Variants in MCF2L observed in about 807,000 individuals in gnomAD.
MCF2L encodes guanine nucleotide exchange factor DBS.
Under a neutral mutation model 153.4 loss-of-function variants are expected in MCF2L, and 97 were observed. That is an observed-to-expected ratio of 0.63 (90% CI 0.54 to 0.75). MCF2L has a LOEUF of 0.75. Ranked by LOEUF, MCF2L falls within the 30% of genes least tolerant of loss-of-function variation. The pLI is 0.00. For synonymous variants in MCF2L, 659 were observed against 632.2 expected (o/e 1.04, Z -0.64); for missense variants, 1,347 against 1,495.2 (o/e 0.90, Z 1.64).
rs1031251778 is a variant in MCF2L at position 113,045,489 on chromosome 13, G to T, written c.369+128G>T. 7.1e-6 allele frequency: 6 copies of T among 847,614 alleles called. No homozygotes were observed. The highest frequency in any genetic ancestry group is 2.7e-5 in the East Asian group (1 of 37,196). 52.5% of individuals were successfully genotyped at this position (847,614 alleles called of 1,614,324 possible). On this transcript the variant is annotated intron_variant, in intron 4 of 29. Coordinates refer to ENST00000535094, the MANE Select transcript of MCF2L (RefSeq NM_001112732.3). This position sits in a 1 kb window ranked among gnomAD's most constrained non-coding sequence, Gnocchi z 4.2. Reference sequence around the variant, plus strand: ...GAGTGGGACAGAGCCCAGTCCCGGCGGGTGGAGGCCGGCGCCAAGGCCCCC... The same window carrying T: ...GAGTGGGACAGAGCCCAGTCCCGGCTGGTGGAGGCCGGCGCCAAGGCCCCC...
At position 112,969,484 on chromosome 13, in the gene MCF2L, G is replaced by C. The variant is rs768935831; in HGVS notation, c.79+26G>C. On this transcript the variant is annotated intron_variant, in intron 1 of 29. Coordinates refer to ENST00000535094, the MANE Select transcript of MCF2L (RefSeq NM_001112732.3). The surrounding 1 kb of genome is among the most constrained non-coding windows in gnomAD (Gnocchi z 4.8). ...GTAGGAGGAGCTGCTGGCCGTCAGTGATCTGTGCTTAAGCTTGACATCATG... is the reference window on the plus strand; with the variant it reads ...GTAGGAGGAGCTGCTGGCCGTCAGTCATCTGTGCTTAAGCTTGACATCATG... The C allele has an allele frequency of 1.3e-6, 2 of 1,549,964 alleles. No homozygotes were observed. Among genetic ancestry groups the C allele is most frequent in the South Asian group, 2.4e-5 (2 of 84,042 alleles).
chr13:112,968,628 G>A (rs537733977), upstream of MCF2L: 100 of 1,528,142 alleles, frequency 6.5e-5, no homozygotes, highest in African/African-American at 9.6e-4. Flanking sequence ...CCTGGGCGCG[G>A]CGCGGGTGGC....
At position 112,907,486 on chromosome 13, in the gene MCF2L, C is replaced by T. The variant is rs1172733805; in HGVS notation, c.169+5115C>T. Among the ~76,000 whole-genome samples, 3 of 151,910 alleles carry T rather than the reference C, an allele frequency of 2.0e-5. No homozygotes were observed. Among genetic ancestry groups the T allele is most frequent in the Admixed American group, 6.6e-5 (1 of 15,222 alleles). ...CGGTGTTTCCAGCATGGGTCAGTCG[C>T]GGCTTGGTGGAGAATGGCTGAATCC... On this transcript the variant is annotated intron_variant, in intron 2 of 29. Coordinates refer to the MCF2L transcript ENST00000375608. The surrounding 1 kb of genome is among the most constrained non-coding windows in gnomAD (Gnocchi z 5.1).
intron 12 of MCF2L, 29 bp from the exon 13 acceptor site, chr13:113,077,023 A>T (rs1182429422): frequency 2.5e-6 from 4 of 1,591,284 alleles, no homozygotes; most frequent in Non-Finnish European, 3.4e-6. Context: ...CAACATGTGC[A>T]AGGCACCTTA....
At chr13:112,995,727 G>A (rs1410052256) in intron 1 of MCF2L, among the ~76,000 whole-genome samples, 7 of 152,282 alleles carry the variant, frequency 4.6e-5, no homozygotes, top group East Asian at 1.9e-4. Flanking sequence ...CCACAGGAAC[G>A]GGGGAATGAG....
intron 2 of MCF2L, among the ~76,000 whole-genome samples, chr13:112,915,546 C>G (rs1423468775): frequency 6.6e-6 from 1 of 151,958 alleles, no homozygotes; most frequent in African/African-American, 2.4e-5. Flanking sequence ...TCCATTTTCC[C>G]ACACCCACTA....
chr13:112,914,614 G>C (rs1291435552), intron 2 of MCF2L, among the ~76,000 whole-genome samples: 1 of 152,262 alleles, frequency 6.6e-6, no homozygotes, highest in African/African-American at 2.4e-5. Context: ...TGTCTGATGG[G>C]AGAGGCTGAT....
intron 4 of MCF2L, among the ~76,000 whole-genome samples, chr13:113,050,276 C>CTGTGTG (rs1555375352): frequency 6.7e-6 from 1 of 149,274 alleles, no homozygotes; most frequent in African/African-American, 2.5e-5. Flanking sequence ...GTGTGTGAGA[C>CTGTGTG]TGTGAGTGTG....
chr13:112,987,286 C>T (rs2082686693), intron 1 of MCF2L, among the ~76,000 whole-genome samples: 1 of 152,272 alleles, frequency 6.6e-6, no homozygotes, highest in Non-Finnish European at 1.5e-5. Context: ...TGCAGCCACG[C>T]AGAGGGTGGC....
At chr13:112,896,547 G>T (rs948681549) in intron 1 of MCF2L, among the ~76,000 whole-genome samples, 1 of 152,172 alleles carries the variant, frequency 6.6e-6, no homozygotes, top group Non-Finnish European at 1.5e-5. Flanking sequence ...GAGATGAGTC[G>T]TGTAGATAGA....
intron 1 of MCF2L, among the ~76,000 whole-genome samples, chr13:112,973,981 GTC>G (rs1210945007): frequency 6.6e-6 from 1 of 152,100 alleles, no homozygotes; most frequent in Non-Finnish European, 1.5e-5. Context: ...CCTGATCTCC[GTC>G]TTCAAAGCCG....
rs1047880274 is a variant in MCF2L at position 113,099,571 on chromosome 13, C to T, written c.*2712C>T. On this transcript the variant is annotated 3_prime_UTR_variant, in exon 30 of 30. Coordinates refer to ENST00000535094, the MANE Select transcript of MCF2L (RefSeq NM_001112732.3). ...GCCAAAAAAATAAGACTAGCGTAAC[C>T]CAAAGAAAGTATTTAAATACTTCTG... The T allele has an allele frequency of 6.6e-6, 1 of 151,930 alleles. No individual in the cohort carries two copies. Among genetic ancestry groups the T allele is most frequent in the Non-Finnish European group, 1.5e-5 (1 of 67,994 alleles). The allele number at this position is 151,930 out of a possible 1,614,324, so 9.4% of individuals were successfully genotyped here. A position where few individuals can be genotyped will look rare whatever the true frequency, so the allele number is the denominator to read the frequency against.
chr13:112,929,254 C>T (rs1380205939), intron 2 of MCF2L, among the ~76,000 whole-genome samples: 3 of 152,210 alleles, frequency 2.0e-5, no homozygotes, highest in African/African-American at 7.2e-5. Context: ...TCTCCCTCTT[C>T]AAAGGGGTGT....
chr13:113,044,933 C>T (rs747236551), intron 3 of MCF2L: 2 of 1,604,476 alleles, frequency 1.2e-6, no homozygotes, highest in Non-Finnish European at 1.7e-6. Context: ...CAGCTGGTCA[C>T]CCAGGAAAGG....
chr13:113,066,137 A>T lies in MCF2L; in HGVS notation c.848A>T (p.Gln283Leu). The T allele has an allele frequency of 6.2e-7, 1 of 1,612,916 alleles. No individual in the cohort carries two copies. Among genetic ancestry groups the T allele is most frequent in the Non-Finnish European group, 8.5e-7 (1 of 1,179,816 alleles). Residue 283 changes from glutamine (Q) to leucine (L), a missense_variant, in exon 8 of 30, where the codon CAG becomes CTG. Physicochemically the swap from Gln to Leu is moderately radical, Grantham distance 113 (BLOSUM62 -2). Transcript: ENST00000535094. ...QAEGSEPSVN[Q>L]DQLDNQATVQ... ...GAGGGCTCAGAGCCCAGTGTGAACC[A>T]GGACCAGCTTGACAACCAGGCCACC...
intron 26 of MCF2L, chr13:113,091,257 G>T (rs922787230): frequency 7.8e-7 from 1 of 1,289,638 alleles, no homozygotes; most frequent in African/African-American, 1.5e-5. Context: ...GGCCCAGCTG[G>T]CTGTCAGGTG....
At chr13:112,901,277 G>A (rs559149406) in intron 1 of MCF2L, among the ~76,000 whole-genome samples, 27 of 152,156 alleles carry the variant, frequency 1.8e-4, no homozygotes, top group East Asian at 9.7e-4. Flanking sequence ...CCTCAGCCTC[G>A]TGAGTAACTG....
chr13:113,048,283 C>G (rs573101150), intron 4 of MCF2L, among the ~76,000 whole-genome samples: 5 of 152,140 alleles, frequency 3.3e-5, no homozygotes, highest in African/African-American at 7.2e-5. Context: ...TGCATTGATT[C>G]TTACACCATA....
intron 25 of MCF2L, among the ~76,000 whole-genome samples, chr13:113,089,181 G>A (rs868401783): frequency 1.1e-3 from 50 of 46,228 alleles, no homozygotes; most frequent in Middle Eastern, 0.014. Flanking sequence ...CCCCCCCCCC[G>A]CCCCCCGAAA....
Sources: allele counts gnomAD v4.1 joint callset (sites outside exome capture counted in the v4.1 genomes callset), GRCh38; gene constraint gnomAD v4.1.1; non-coding constraint Gnocchi (gnomAD v3.1); transcripts MANE v1.5; gene names NCBI Gene and HGNC (gene_info 2026-07-23, HGNC 2026-07-21).